Variants in SLC26A7 observed in about 807,000 individuals in gnomAD.
The protein encoded by SLC26A7 is solute carrier family 26 member 7.
A neutral mutation model predicts 82.5 loss-of-function variants in SLC26A7; 59 were observed. That is an observed-to-expected ratio of 0.72 (90% CI 0.58 to 0.89). The LOEUF is 0.89. Among genes scored for constraint, SLC26A7 ranks in the 40% least tolerant of loss-of-function variants. The pLI, the probability that SLC26A7 is intolerant of heterozygous loss-of-function variation, is 0.00. For synonymous variants in SLC26A7, 271 were observed against 274.3 expected (o/e 0.99, Z 0.12); for missense variants, 820 against 793.0 (o/e 1.03, Z -0.41).
At chr8:91,277,345 A>G (rs1811432989) in intron 2 of SLC26A7, among the ~76,000 whole-genome samples, 1 of 152,230 alleles carries the variant, frequency 6.6e-6, no homozygotes, top group African/African-American at 2.4e-5. Context: ...TTGTATGCTC[A>G]TTATCTGCCC....
At chr8:91,239,396 ATATAT>A (rs1204073527) in intron 2 of SLC26A7, among the ~76,000 whole-genome samples, 5 of 105,936 alleles carry the variant, frequency 4.7e-5, no homozygotes, top group African/African-American at 1.9e-4. Context: ...AAAAAAAAAA[ATATAT>A]ATATATATAT....
intron 12 of SLC26A7, 39 bp from the exon 13 acceptor site, chr8:91,363,433 G>A (rs184473567): frequency 7.9e-7 from 1 of 1,270,880 alleles, no homozygotes; most frequent in African/African-American, 1.5e-5. Context: ...TAATGATTAG[G>A]AAATGACTTG....
rs1812585251 is a variant in SLC26A7, at chr8:91,314,854, G to A, written c.478-3362G>A. 2.0e-5 allele frequency among the ~76,000 whole-genome samples: 3 copies of A among 152,224 alleles called. No homozygotes were observed. The South Asian group carries it at 6.2e-4, about 32-fold the overall frequency. On this transcript the variant is annotated intron_variant, in intron 4 of 18. Coordinates refer to ENST00000276609, the MANE Select transcript of SLC26A7 (RefSeq NM_052832.4). ...TAATTCATCTTTTCTCATTTGTGTTGCAAGGTAGGTTCCCATGTTTTTTAA... is the reference window on the plus strand; with the variant it reads ...TAATTCATCTTTTCTCATTTGTGTTACAAGGTAGGTTCCCATGTTTTTTAA...
chr8:91,348,334 C>T, intron 9 of SLC26A7: 2 of 985,330 alleles, frequency 2.0e-6, no homozygotes. Flanking sequence ...CTACTTATGC[C>T]TTCTTTGACA....
At chr8:91,238,286 A>T (rs949682672) in intron 2 of SLC26A7, among the ~76,000 whole-genome samples, 5 of 151,954 alleles carry the variant, frequency 3.3e-5, no homozygotes, top group African/African-American at 1.2e-4. Flanking sequence ...CTTGGGTGGG[A>T]TTCTTTATTC....
chr8:91,378,415 AAAT>A (rs1487535414), intron 15 of SLC26A7, among the ~76,000 whole-genome samples: 3 of 147,298 alleles, frequency 2.0e-5, no homozygotes, highest in Non-Finnish European at 4.5e-5. Flanking sequence ...AAGTATATAT[AAAT>A]AATATATATT....
chr8:91,253,307 C>G (rs993183149), intron 2 of SLC26A7, among the ~76,000 whole-genome samples: 1 of 152,052 alleles, frequency 6.6e-6, no homozygotes, highest in African/African-American at 2.4e-5. Context: ...CAACTCTTTC[C>G]TCTCTTTTGC....
At chr8:91,337,226 A>T (rs1286722752) in intron 6 of SLC26A7, among the ~76,000 whole-genome samples, 3 of 152,134 alleles carry the variant, frequency 2.0e-5, no homozygotes, top group Non-Finnish European at 4.4e-5. Flanking sequence ...GGGGAAAAAA[A>T]CCTATACAAT....
intron 2 of SLC26A7, among the ~76,000 whole-genome samples, chr8:91,278,986 G>A (rs1360891522): frequency 6.6e-6 from 1 of 151,674 alleles, no homozygotes; most frequent in Admixed American, 6.6e-5. Context: ...CCCTGTGTAA[G>A]TAAGATTAGG....
chr8:91,243,934 T>C (rs1401086877), intron 2 of SLC26A7, among the ~76,000 whole-genome samples: 3 of 152,122 alleles, frequency 2.0e-5, no homozygotes, highest in Admixed American at 2.0e-4. Flanking sequence ...AGTAAAAAGA[T>C]GAAAATATAT....
rs1016332601 is a variant in SLC26A7, at chr8:91,292,573, A to G, written c.305-2958A>G. Among the ~76,000 whole-genome samples, 4 of 152,182 alleles carry G rather than the reference A, an allele frequency of 2.6e-5. 1 individual carries two copies. The highest frequency in any genetic ancestry group is 4.1e-4 in the South Asian group (2 of 4,826). On this transcript the variant is annotated intron_variant, in intron 3 of 18. Transcript: ENST00000276609. ...TACTTTATTTGGGATTTTGCCTTCAATTTAGATGGCTGGAATGCAATGCTG... is the reference window on the plus strand; with the variant it reads ...TACTTTATTTGGGATTTTGCCTTCAGTTTAGATGGCTGGAATGCAATGCTG...
At chr8:91,340,115 C>T (rs953105232) in intron 7 of SLC26A7, among the ~76,000 whole-genome samples, 1 of 152,162 alleles carries the variant, frequency 6.6e-6, no homozygotes, top group African/African-American at 2.4e-5. Context: ...TGTTCTGATA[C>T]AGGAAATTTC....
intron 1 of SLC26A7, among the ~76,000 whole-genome samples, chr8:91,214,516 G>T (rs1810002573): frequency 6.6e-6 from 1 of 152,084 alleles, no homozygotes. Context: ...ATCATACAAT[G>T]ACTAACACTA....
chr8:91,309,040 T>C (rs1303081590), intron 4 of SLC26A7, among the ~76,000 whole-genome samples: 2 of 152,156 alleles, frequency 1.3e-5, no homozygotes, highest in Non-Finnish European at 2.9e-5. Flanking sequence ...GGTATGCTTA[T>C]TGCTACTGGG....
Position 91,318,217 on chromosome 8 carries a change from T to G in SLC26A7, c.479T>G (p.Val160Gly). ...CTCACTTCTCCCTTCTCCTCTTAGG[T>G]GGCCATGTTTGTGCTGCAACTGGGC... ...AVSFLGGVIQ[V>G]AMFVLQLGSA... The change falls in exon 5 of 19, where the codon GTG becomes GGG. Residue 160 changes from valine to glycine, a missense_variant and splice_region_variant. Coordinates refer to ENST00000276609, the MANE Select transcript of SLC26A7 (RefSeq NM_052832.4). 1.9e-6 allele frequency: 3 copies of G among 1,596,040 alleles called. No homozygotes were observed. The highest frequency in any genetic ancestry group is 2.6e-6 in the Non-Finnish European group (3 of 1,169,978).
intron 11 of SLC26A7, 94 bp from the exon 12 acceptor site, chr8:91,362,259 G>A (rs1429652999): frequency 1.3e-6 from 1 of 779,726 alleles, no homozygotes; most frequent in African/African-American, 1.7e-5. Flanking sequence ...TTGGTCACAA[G>A]AGTGTTAAGA....
chr8:91,211,616 A>ATTTTT (rs34106795), intron 1 of SLC26A7, among the ~76,000 whole-genome samples: 1 of 137,530 alleles, frequency 7.3e-6, no homozygotes, highest in African/African-American at 2.9e-5. Context: ...ATATATATAT[A>ATTTTT]TTTTTTTTTT....
At chr8:91,366,439 C>A (rs926817195) in intron 13 of SLC26A7, 141 bp from the exon 14 acceptor site, 14 of 827,746 alleles carry the variant, frequency 1.7e-5, no homozygotes, top group Non-Finnish European at 2.6e-5. Flanking sequence ...TGTGATAGTA[C>A]ATTAAGGCCT....
At chr8:91,253,231 C>A (rs1318844381) in intron 2 of SLC26A7, among the ~76,000 whole-genome samples, 2 of 152,058 alleles carry the variant, frequency 1.3e-5, no homozygotes, top group Non-Finnish European at 2.9e-5. Context: ...GGTAATCTGG[C>A]TCCTGAGACT....
Sources: gnomAD v4.1 joint callset for allele counts (sites outside exome capture counted in the v4.1 genomes callset) on GRCh38, gnomAD v4.1.1 for gene constraint, MANE v1.5 for transcripts, NCBI Gene and HGNC (gene_info 2026-07-23, HGNC 2026-07-21) for gene names.